The following STARD13 variants were observed in gnomAD, a reference collection of about 807,000 sequenced individuals.
The protein encoded by STARD13 is stAR-related lipid transfer protein 13.
In STARD13, 62 loss-of-function variants were observed where a neutral mutation model predicts 106.4. The observed-to-expected ratio is 0.58, with a 90% CI of 0.48 to 0.72. STARD13 has a LOEUF of 0.72. Among genes scored for constraint, STARD13 ranks in the 30% least tolerant of loss-of-function variants. STARD13 has a pLI of 0.00. For synonymous variants in STARD13, 565 were observed against 553.0 expected (o/e 1.02, Z -0.31); for missense variants, 1,387 against 1,424.0 (o/e 0.97, Z 0.42).
chr13:33,285,859 T>C, upstream of STARD13: 1 of 1,104,318 alleles, frequency 9.1e-7, no homozygotes, highest in East Asian at 3.2e-5. Context: ...ATGGGAACGT[T>C]TGCAGTCAGC....
At chr13:33,186,756 C>T (rs1885803506) in intron 1 of STARD13, among the ~76,000 whole-genome samples, 3 of 151,922 alleles carry the variant, frequency 2.0e-5, no homozygotes, top group African/African-American at 7.3e-5. Flanking sequence ...TTAACAATCT[C>T]AAAATAGCAA....
At chr13:33,221,046 T>C (rs191065621) in intron 1 of STARD13, among the ~76,000 whole-genome samples, 1 of 152,118 alleles carries the variant, frequency 6.6e-6, no homozygotes, top group African/African-American at 2.4e-5. Context: ...CAGTAGTAGA[T>C]GGACTACTGA....
the STARD13 span, among the ~76,000 whole-genome samples, chr13:33,499,571 T>C: frequency 3.0e-5 from 2 of 67,650 alleles, no homozygotes; most frequent in African/African-American, 1.1e-4. Context: ...CTTCTTCTTC[T>C]TCTTCTTCTT....
chr13:33,383,013 G>A, the STARD13 span, among the ~76,000 whole-genome samples: 1 of 152,170 alleles, frequency 6.6e-6, no homozygotes, highest in African/African-American at 2.4e-5. Context: ...GGCCTAGTGG[G>A]TCTGGGCTGG....
At chr13:33,291,718 A>C (rs1251196717) in intron 1 of STARD13, among the ~76,000 whole-genome samples, 4 of 152,202 alleles carry the variant, frequency 2.6e-5, no homozygotes, top group Non-Finnish European at 5.9e-5. Flanking sequence ...CCCCACGTTA[A>C]GTGAAGTGTG....
chr13:33,395,451 G>A, the STARD13 span, among the ~76,000 whole-genome samples: 1 of 152,028 alleles, frequency 6.6e-6, no homozygotes. Context: ...TAAAACGCAA[G>A]CGTTTAAATG....
At chr13:33,399,623 C>T in the STARD13 span, among the ~76,000 whole-genome samples, 34 of 148,862 alleles carry the variant, frequency 2.3e-4, no homozygotes, top group African/African-American at 7.7e-4. Context: ...ATGGCATGAA[C>T]CCGGGAGGTG....
At chr13:33,328,748 C>G (rs945319845) in intron 1 of STARD13, among the ~76,000 whole-genome samples, 8 of 152,166 alleles carry the variant, frequency 5.3e-5, no homozygotes, top group Admixed American at 2.0e-4. Context: ...TCTAAGGGTG[C>G]CAGTGAGTTA....
At chr13:33,634,832 AAT>A in the STARD13 span, among the ~76,000 whole-genome samples, 1 of 152,132 alleles carries the variant, frequency 6.6e-6, no homozygotes, top group South Asian at 2.1e-4. Flanking sequence ...TGTCGCTGCG[AAT>A]GAAGGGTGGA....
the STARD13 span, among the ~76,000 whole-genome samples, chr13:33,500,516 C>T: frequency 6.6e-6 from 1 of 152,076 alleles, no homozygotes; most frequent in Admixed American, 6.6e-5. Flanking sequence ...TTTTAATAAT[C>T]AGCCTTAATG....
chr13:33,149,757 T>C (rs930406388), intron 3 of STARD13, among the ~76,000 whole-genome samples: 1 of 152,236 alleles, frequency 6.6e-6, no homozygotes, highest in South Asian at 2.1e-4. Flanking sequence ...CTGACAGATG[T>C]AAACGCCTCT....
chr13:33,138,768 G>A, intron 4 of STARD13: 1 of 439,946 alleles, frequency 2.3e-6, no homozygotes, highest in South Asian at 1.6e-5. Context: ...TAGTCTTCCA[G>A]TGAGGCGTGC....
the STARD13 span, among the ~76,000 whole-genome samples, chr13:33,500,055 CTCT>C: frequency 6.6e-6 from 1 of 152,004 alleles, no homozygotes; most frequent in African/African-American, 2.4e-5. Context: ...GCCACGCTTC[CTCT>C]TCTTACAAAA....
At chr13:33,623,991 T>G in the STARD13 span, among the ~76,000 whole-genome samples, 7 of 152,236 alleles carry the variant, frequency 4.6e-5, no homozygotes, top group Non-Finnish European at 7.3e-5. Flanking sequence ...GTAGAATAAC[T>G]GGAGCTGTCA....
the STARD13 span, among the ~76,000 whole-genome samples, chr13:33,669,530 C>CT: frequency 0.059 from 6,037 of 103,070 alleles, 544 homozygotes; most frequent in African/African-American, 0.16. Flanking sequence ...AGAGGATGTT[C>CT]TTTTTTTTTT....
chr13:33,517,188 C>T, the STARD13 span, among the ~76,000 whole-genome samples: 2 of 151,984 alleles, frequency 1.3e-5, no homozygotes, highest in Admixed American at 6.6e-5. Flanking sequence ...GTTTTTATCA[C>T]AATGTTCCCC....
chr13:33,400,139 A>G, the STARD13 span, among the ~76,000 whole-genome samples: 2 of 151,750 alleles, frequency 1.3e-5, no homozygotes, highest in Admixed American at 1.3e-4. Flanking sequence ...GATTTCCCCC[A>G]CTCCCCATCC....
chr13:33,411,776 T>G, the STARD13 span, among the ~76,000 whole-genome samples: 1 of 152,242 alleles, frequency 6.6e-6, no homozygotes, highest in Admixed American at 6.5e-5. Flanking sequence ...CACTTAAGTT[T>G]CCTTATGTCT....
intron 1 of STARD13, among the ~76,000 whole-genome samples, chr13:33,219,813 C>CAA (rs71196513): frequency 0.015 from 1,791 of 116,646 alleles, 29 homozygotes; most frequent in Admixed American, 0.041. Context: ...TAAAAACAAA[C>CAA]AAAAAAAAAA....
Sources: allele counts gnomAD v4.1 joint callset (sites outside exome capture counted in the v4.1 genomes callset), GRCh38; gene constraint gnomAD v4.1.1; transcripts MANE v1.5; gene names NCBI Gene and HGNC (gene_info 2026-07-23, HGNC 2026-07-21).